Variants in MYH14 observed in about 807,000 individuals in gnomAD.
MYH14 encodes the protein myosin-14.
A neutral mutation model predicts 255.5 loss-of-function variants in MYH14; 123 were observed. The ratio of observed to expected loss-of-function variants is 0.48; its 90% confidence interval spans 0.42 to 0.56. The LOEUF is 0.56. Among genes scored for constraint, MYH14 ranks in the 20% least tolerant of loss-of-function variants. The probability of loss-of-function intolerance (pLI) is 0.00; values close to 1 mark genes in which losing one functional copy is unlikely to be tolerated. For missense variants in MYH14, 2,423 were observed against 2,802.3 expected, an observed-to-expected ratio of 0.86 and a Z score of 3.06; for synonymous variants, 1,095 against 1,161.2, an observed-to-expected ratio of 0.94 and a Z score of 1.16.
chr19:50,287,865 C>G (rs558038970), intron 34 of MYH14, among the ~76,000 whole-genome samples: 3 of 152,244 alleles, frequency 2.0e-5, no homozygotes, highest in Admixed American at 1.3e-4. Context: ...CCCGACATGA[C>G]TAGGTGCATG....
In MYH14 at chr19:50,222,988, A is replaced by T. The variant is rs903742141; in HGVS notation, c.563-95A>T. On this transcript the variant is annotated intron_variant, in intron 3 of 42. Coordinates refer to ENST00000642316, the MANE Select transcript of MYH14 (RefSeq NM_001145809.2). ...CCCAAGCTTTTCCTTACTCCCTGGGAATAATTTTTAAAATGCAGCGGCCAG... is the reference window on the plus strand; with the variant it reads ...CCCAAGCTTTTCCTTACTCCCTGGGTATAATTTTTAAAATGCAGCGGCCAG... 15 of 1,224,968 alleles carry T rather than the reference A, an allele frequency of 1.2e-5. 1 individual carries two copies. Among genetic ancestry groups the T allele is most frequent in the Non-Finnish European group, 1.7e-5 (14 of 824,084 alleles). 75.9% of individuals were successfully genotyped at this position (1,224,968 alleles called of 1,614,324 possible). A position where few individuals can be genotyped will look rare whatever the true frequency, so the allele number is the denominator to read the frequency against.
Position 50,250,571 on chromosome 19 carries a change from C to T in MYH14, c.1713C>T (p.Ala571=), listed in dbSNP as rs753399366. The change falls in exon 15 of 43, where the codon GCC becomes GCT. Residue 571 remains alanine (A), a synonymous_variant. Transcript: ENST00000642316. The surrounding 1 kb of genome is among the most constrained non-coding windows in gnomAD (Gnocchi z 5.4). ...LLDEECWFPK[A]TDKSFVEKVA... ...ATGAGGAGTGCTGGTTCCCGAAGGC[C>T]ACAGACAAGTCGTTTGTGGAGAAGG... 4 of 1,614,062 alleles carry T rather than the reference C, an allele frequency of 2.5e-6. No individual in the cohort carries two copies. In the South Asian group the frequency reaches 4.4e-5, roughly 18 times the overall value.
intron 39 of MYH14, 34 bp from the exon 40 acceptor site, chr19:50,301,627 C>T (rs1207339140): frequency 6.4e-7 from 1 of 1,573,788 alleles, no homozygotes. Context: ...TCTGAGACTC[C>T]ACCATGACAT....
Position 50,281,634 on chromosome 19 carries a change from C to T in MYH14, c.4331C>T (p.Ala1444Val). 3 of 1,604,416 alleles carry T rather than the reference C, an allele frequency of 1.9e-6. No homozygotes were observed. Among genetic ancestry groups the T allele is most frequent in the Non-Finnish European group, 2.6e-6 (3 of 1,175,216 alleles). The change falls in exon 33 of 43, where the codon GCA becomes GTA. Residue 1444 changes from alanine (A) to valine (V), a missense_variant. Ala to Val is a moderately conservative substitution (Grantham distance 64). Transcript: ENST00000642316. The stretch of plus-strand genomic sequence containing the variant: ...CGGCGCCAGGAGGAGGAGGCAGGGG[C>T]ACTGGAGGCAGGGGAGGAGGCACGG... ...WRRRQEEEAG[A>V]LEAGEEARRR... is the part of the protein sequence containing the mutation.
intron 40 of MYH14, among the ~76,000 whole-genome samples, chr19:50,302,112 C>CT (rs1178205281): frequency 2.2e-5 from 2 of 91,270 alleles, no homozygotes; most frequent in East Asian, 3.5e-4. Context: ...GACCTCATCT[C>CT]TAAAAAAAAA....
At chr19:50,286,062 T>A (rs2035878869) in intron 33 of MYH14, 1 of 156,972 alleles carries the variant, frequency 6.4e-6, no homozygotes, top group Non-Finnish European at 1.4e-5. Flanking sequence ...AGGTCATCTG[T>A]GGGTCTATTT....
At chr19:50,249,530 T>C in intron 13 of MYH14, 120 bp from the exon 14 acceptor site, 3 of 1,083,610 alleles carry the variant, frequency 2.8e-6, no homozygotes, top group Non-Finnish European at 4.0e-6. Context: ...TGTCCCCCTC[T>C]CTCTGGGTCT....
rs933758739 is a variant in MYH14 at position 50,221,536 on chromosome 19, G to T, written c.563-1547G>T. 6.6e-6 allele frequency among the ~76,000 whole-genome samples: 1 copy of T among 152,118 alleles called. No homozygotes were observed. The highest frequency in any genetic ancestry group is 2.4e-5 in the African/African-American group (1 of 41,400). ...TTGTCACCCAGGCTGGAGTGCAATGGCACGATCTTGGCTCACTGCAACCTC... is the reference window on the plus strand; with the variant it reads ...TTGTCACCCAGGCTGGAGTGCAATGTCACGATCTTGGCTCACTGCAACCTC... On this transcript the variant is annotated intron_variant, in intron 3 of 42. Coordinates refer to ENST00000642316, the MANE Select transcript of MYH14 (RefSeq NM_001145809.2). The surrounding 1 kb of genome is among the most constrained non-coding windows in gnomAD (Gnocchi z 5.3).
chr19:50,233,511 AGCTCTGTCTCAGTGCT>A (rs1365132077), intron 10 of MYH14, among the ~76,000 whole-genome samples: 7 of 152,220 alleles, frequency 4.6e-5, no homozygotes, highest in Admixed American at 6.5e-5. Context: ...TTTTGACAGC[AGCTCTGTCTCAGTGCT>A]GCATTAGTTT....
chr19:50,220,399 A>G (rs1252537787), intron 3 of MYH14, among the ~76,000 whole-genome samples: 1 of 148,542 alleles, frequency 6.7e-6, no homozygotes, highest in Non-Finnish European at 1.5e-5. Context: ...TTATTTTATT[A>G]TACTTTATAT....
Position 50,230,922 on chromosome 19 carries a change from C to T in MYH14, c.973+299C>T, listed in dbSNP as rs984955981. ...GCTCGCTTCCGAAGCTCCGTGGCTT[C>T]TCTCTCGCGCGGCTTCTCCTCACTC... On this transcript the variant is annotated intron_variant, in intron 9 of 42. Transcript: ENST00000642316. This position sits in a 1 kb window ranked among gnomAD's most constrained non-coding sequence, Gnocchi z 4.7. 2.8e-5 allele frequency: 11 copies of T among 398,816 alleles called. No individual in the cohort carries two copies. Among genetic ancestry groups the T allele is most frequent in the African/African-American group, 2.2e-4 (11 of 49,024 alleles). The allele number at this position is 398,816 out of a possible 1,614,324, so 24.7% of individuals were successfully genotyped here.
intron 16 of MYH14, among the ~76,000 whole-genome samples, chr19:50,253,571 C>A (rs975783107): frequency 1.3e-5 from 2 of 152,092 alleles, no homozygotes; most frequent in Non-Finnish European, 2.9e-5. Flanking sequence ...TCCCTTCACG[C>A]CCCCAGGGAA....
intron 41 of MYH14, among the ~76,000 whole-genome samples, chr19:50,307,630 C>T (rs2036697938): frequency 6.6e-6 from 1 of 152,200 alleles, no homozygotes; most frequent in South Asian, 2.1e-4. Context: ...ATTCAAACCT[C>T]AGCACTCTAG....
chr19:50,244,434 T>G, intron 11 of MYH14, 97 bp downstream of exon 11: 1 of 875,920 alleles, frequency 1.1e-6, no homozygotes, highest in Non-Finnish European at 1.9e-6. Context: ...GCATCCCCCT[T>G]CCAGCCACAC....
intron 13 of MYH14, 119 bp downstream of exon 13, chr19:50,249,258 CT>C (rs2034259009): frequency 1.7e-6 from 2 of 1,203,802 alleles, no homozygotes; most frequent in Non-Finnish European, 1.1e-6. Context: ...CTCTGAGTCT[CT>C]GTTCCCCCCT....
chr19:50,240,508 A>G (rs962006517), intron 10 of MYH14, among the ~76,000 whole-genome samples: 9 of 152,270 alleles, frequency 5.9e-5, no homozygotes, highest in South Asian at 2.1e-4. Flanking sequence ...TGAGCCCAGG[A>G]AGTTGAGGCT....
chr19:50,259,028 G>A, intron 18 of MYH14, 116 bp from the exon 19 acceptor site: 2 of 1,359,024 alleles, frequency 1.5e-6, no homozygotes, highest in South Asian at 1.5e-5. Flanking sequence ...ACCGTTCCTA[G>A]GCACCTAGTA....
intron 10 of MYH14, among the ~76,000 whole-genome samples, chr19:50,233,371 T>C (rs891890735): frequency 6.6e-6 from 1 of 152,106 alleles, no homozygotes; most frequent in Non-Finnish European, 1.5e-5. Flanking sequence ...GGTTTCACCA[T>C]GTTGGCCAGG....
chr19:50,275,281 C>T (rs575854239), intron 27 of MYH14, among the ~76,000 whole-genome samples: 2 of 152,240 alleles, frequency 1.3e-5, no homozygotes, highest in African/African-American at 2.4e-5. Flanking sequence ...TTTGCAATGA[C>T]GCTGTGTGAA....
Sources: allele counts gnomAD v4.1 joint callset (sites outside exome capture counted in the v4.1 genomes callset), GRCh38; gene constraint gnomAD v4.1.1; non-coding constraint Gnocchi (gnomAD v3.1); transcripts MANE v1.5; gene names NCBI Gene and HGNC (gene_info 2026-07-23, HGNC 2026-07-21).